The following GCNT2 variants were observed in gnomAD, a reference collection of about 807,000 sequenced individuals.
GCNT2 encodes the protein glucosaminyl (N-acetyl) transferase 2 (I blood group).
GCNT2 carries 34 observed loss-of-function variants against 34.2 expected under a neutral mutation model. That is an observed-to-expected ratio of 1.00 (90% CI 0.76 to 1.32). GCNT2 has a LOEUF of 1.32. Ranked by LOEUF, GCNT2 falls within the 40% of genes most tolerant of loss-of-function variation. The pLI, the probability that GCNT2 is intolerant of heterozygous loss-of-function variation, is 0.00. For synonymous variants in GCNT2, 212 were observed against 188.0 expected (o/e 1.13, Z -1.04); for missense variants, 584 against 489.4 (o/e 1.19, Z -1.82).
intron 3 of GCNT2, among the ~76,000 whole-genome samples, chr6:10,605,208 ATTTTTTT>A (rs869167781): frequency 2.1e-5 from 2 of 94,202 alleles, no homozygotes; most frequent in Admixed American, 1.3e-4. Flanking sequence ...TCATGTAGGA[ATTTTTTT>A]TTTTTTTTTT....
At chr6:10,575,075 T>A in intron 3 of GCNT2, 1 of 571,868 alleles carries the variant, frequency 1.7e-6, no homozygotes, top group Non-Finnish European at 3.3e-6. Flanking sequence ...TTGGGGGTGT[T>A]CCTTTTTGAA....
intron 3 of GCNT2, among the ~76,000 whole-genome samples, chr6:10,568,978 T>A (rs1225190322): frequency 6.6e-6 from 1 of 152,206 alleles, no homozygotes; most frequent in African/African-American, 2.4e-5. Flanking sequence ...GTTGTAATGC[T>A]TTTATGTCAT....
intron 1 of GCNT2, among the ~76,000 whole-genome samples, chr6:10,523,972 C>CAAAA (rs774638226): frequency 2.6e-4 from 18 of 68,336 alleles, no homozygotes; most frequent in Admixed American, 5.7e-4. Flanking sequence ...GACTCTGTCT[C>CAAAA]AAAAAAAAAA....
chr6:10,536,317 C>T (rs535834949), intron 3 of GCNT2, among the ~76,000 whole-genome samples: 78 of 151,924 alleles, frequency 5.1e-4, no homozygotes, highest in African/African-American at 1.8e-3. Flanking sequence ...TAAGCAATCT[C>T]TGTTTTTTTA....
intron 3 of GCNT2, among the ~76,000 whole-genome samples, chr6:10,561,321 C>T (rs1762970380): frequency 6.6e-6 from 1 of 152,168 alleles, no homozygotes. Flanking sequence ...TGCCACCATG[C>T]CTGGCTAATT....
At chr6:10,537,880 AGTG>A (rs1761847215) in intron 3 of GCNT2, among the ~76,000 whole-genome samples, 1 of 152,030 alleles carries the variant, frequency 6.6e-6, no homozygotes, top group East Asian at 1.9e-4. Flanking sequence ...TTTATAATAA[AGTG>A]GTGTCTATGT....
chr6:10,599,329 T>C (rs1334350379), intron 3 of GCNT2, among the ~76,000 whole-genome samples: 1 of 152,190 alleles, frequency 6.6e-6, no homozygotes, highest in Non-Finnish European at 1.5e-5. Context: ...TAACTGACTC[T>C]TGAAAAGAGA....
Position 10,529,648 on chromosome 6 carries a change from AAAC to A in GCNT2, c.743_745del (p.Thr248del), listed in dbSNP as rs1286670728. 3 of 1,613,968 alleles carry A rather than the reference AAAC, an allele frequency of 1.9e-6. No individual in the cohort carries two copies. Among genetic ancestry groups the A allele is most frequent in the Admixed American group, 1.7e-5 (1 of 60,000 alleles). Reference sequence around the variant, plus strand: ...AACCACAAAAATTCCTACGTGATTAAAACAACAAAATTAAAAACTCCTCCTCCT... The same window carrying A: ...AACCACAAAAATTCCTACGTGATTAAAACAAAATTAAAAACTCCTCCTCCT... On this transcript the variant is annotated inframe_deletion, in exon 3 of 5. Transcript: ENST00000495262.
rs1491080204 is a variant in GCNT2, at chr6:10,601,959, AAC to A, written c.926-19390_926-19389del. 1.9e-3 allele frequency among the ~76,000 whole-genome samples: 260 copies of A among 133,488 alleles called. 1 individual carries two copies. Among genetic ancestry groups the A allele is most frequent in the African/African-American group, 5.3e-3 (155 of 29,430 alleles). 87.6% of individuals were successfully genotyped at this position (133,488 alleles called of 152,430 possible). ...CCATCTCAAGAAAAAAAAAAAAAAA[AAC>A]AAAAAAAACACTAAAGCCCTTGATG... On this transcript the variant is annotated intron_variant, in intron 3 of 4. Coordinates refer to ENST00000495262, the MANE Select transcript of GCNT2 (RefSeq NM_145649.5).
rs529394681 is a variant in GCNT2 at position 10,540,177 on chromosome 6, A to T, written c.925+10341A>T. Among the ~76,000 whole-genome samples the T allele has an allele frequency of 2.0e-5, 3 of 152,224 alleles. No homozygotes were observed. In the East Asian group the frequency reaches 5.8e-4, roughly 29 times the overall value. On this transcript the variant is annotated intron_variant, in intron 3 of 4. Coordinates refer to ENST00000495262, the MANE Select transcript of GCNT2 (RefSeq NM_145649.5). ...AGAGGAAGGGAGGAATAAATTAGGTATGTGGCTGAAGAGGTTCCCTAGGGT... is the reference window on the plus strand; with the variant it reads ...AGAGGAAGGGAGGAATAAATTAGGTTTGTGGCTGAAGAGGTTCCCTAGGGT...
chr6:10,555,582 T>G (rs1190745265), intron 3 of GCNT2: 3 of 179,348 alleles, frequency 1.7e-5, no homozygotes, highest in African/African-American at 7.1e-5. Context: ...TCACGACTTC[T>G]TCTTTTGACC....
chr6:10,593,225 A>C (rs1333972959), intron 3 of GCNT2, among the ~76,000 whole-genome samples: 2 of 152,338 alleles, frequency 1.3e-5, no homozygotes, highest in East Asian at 3.9e-4. Flanking sequence ...GGAAAGGATG[A>C]GCATTCTTTC....
chr6:10,591,794 G>A (rs1468862051), intron 3 of GCNT2, among the ~76,000 whole-genome samples: 1 of 152,148 alleles, frequency 6.6e-6, no homozygotes, highest in Non-Finnish European at 1.5e-5. Context: ...GAATATGAGA[G>A]GCTAAGAAGA....
intron 3 of GCNT2, among the ~76,000 whole-genome samples, chr6:10,581,053 CTT>C (rs1262050498): frequency 6.6e-6 from 1 of 152,128 alleles, no homozygotes; most frequent in Admixed American, 6.5e-5. Context: ...AAGTTAATAG[CTT>C]TGCCTGCCCA....
intron 3 of GCNT2, among the ~76,000 whole-genome samples, chr6:10,576,211 C>T (rs892670278): frequency 1.1e-4 from 16 of 152,288 alleles, no homozygotes; most frequent in African/African-American, 3.8e-4. Context: ...GAAACAACTT[C>T]GTGACATGAA....
chr6:10,586,845 C>G, intron 3 of GCNT2: 1 of 1,613,344 alleles, frequency 6.2e-7, no homozygotes, highest in South Asian at 1.1e-5. Context: ...GGCCATTGAT[C>G]TACTACAATG....
chr6:10,569,235 CCACACACACACACACACACA>C (rs373362957), intron 3 of GCNT2, among the ~76,000 whole-genome samples: 2 of 47,464 alleles, frequency 4.2e-5, no homozygotes, highest in Admixed American at 2.7e-4. Flanking sequence ...ACTCCCCCCG[CCACACACACACACACACACA>C]CACACACACA....
intron 3 of GCNT2, chr6:10,585,736 G>C: frequency 7.2e-7 from 1 of 1,380,290 alleles, no homozygotes; most frequent in South Asian, 1.6e-5. Flanking sequence ...TTTGCAAACA[G>C]CAGGGATTCA....
intron 3 of GCNT2, among the ~76,000 whole-genome samples, chr6:10,544,495 C>T (rs551846356): frequency 4.1e-4 from 60 of 147,804 alleles, no homozygotes; most frequent in South Asian, 1.5e-3. Context: ...ATCCCAGCTA[C>T]TCGGGAGGCT....
Sources: allele counts gnomAD v4.1 joint callset (sites outside exome capture counted in the v4.1 genomes callset), GRCh38; gene constraint gnomAD v4.1.1; transcripts MANE v1.5; gene names NCBI Gene and HGNC (gene_info 2026-07-23, HGNC 2026-07-21).